Variants in BCL7B observed in about 807,000 individuals in gnomAD.
The protein encoded by BCL7B is B-cell CLL/lymphoma 7 protein family member B.
Under a neutral mutation model 26.5 loss-of-function variants are expected in BCL7B, and 11 were observed. The ratio of observed to expected loss-of-function variants is 0.42; its 90% confidence interval spans 0.26 to 0.69. BCL7B has a LOEUF of 0.69. Ranked by LOEUF, BCL7B falls within the 30% of genes least tolerant of loss-of-function variation. The pLI, the probability that BCL7B is intolerant of heterozygous loss-of-function variation, is 0.28. For missense variants in BCL7B, 215 were observed against 264.4 expected, an observed-to-expected ratio of 0.81 and a Z score of 1.30; for synonymous variants, 111 against 107.9, an observed-to-expected ratio of 1.03 and a Z score of -0.18.
intron 2 of BCL7B, among the ~76,000 whole-genome samples, chr7:73,547,817 G>GT (rs2115788225): frequency 6.6e-6 from 1 of 152,184 alleles, no homozygotes; most frequent in East Asian, 1.9e-4. Flanking sequence ...GGAGAAAACA[G>GT]TAAGAAGTCG....
At chr7:73,544,820 A>C (rs1254471954) in intron 2 of BCL7B, among the ~76,000 whole-genome samples, 3 of 152,132 alleles carry the variant, frequency 2.0e-5, no homozygotes, top group Non-Finnish European at 4.4e-5. Context: ...GCACTTGAGG[A>C]GGCGGAGGTG....
rs1000115740 is a variant in BCL7B at position 73,537,091 on chromosome 7, C to T, written c.*207G>A. ...GGGGTGCAAAAAAGACATGAGCGCT[C>T]CTCTTCTCGGGAGCAAGTAGACACA... On this transcript the variant is annotated 3_prime_UTR_variant, in exon 6 of 6. Coordinates refer to ENST00000223368, the MANE Select transcript of BCL7B (RefSeq NM_001707.4). 8.4e-6 allele frequency: 4 copies of T among 478,152 alleles called. No homozygotes were observed. The highest frequency in any genetic ancestry group is 1.5e-5 in the Non-Finnish European group (4 of 265,674). The allele number at this position is 478,152 out of a possible 1,614,324, so 29.6% of individuals were successfully genotyped here. A position where few individuals can be genotyped will look rare whatever the true frequency, so the allele number is the denominator to read the frequency against.
At position 73,539,935 on chromosome 7, in the gene BCL7B, T is replaced by C; in HGVS notation, c.383A>G (p.Asp128Gly). The C allele has an allele frequency of 6.2e-7, 1 of 1,614,004 alleles. No individual in the cohort carries two copies. Among genetic ancestry groups the C allele is most frequent in the South Asian group, 1.1e-5 (1 of 91,066 alleles). Residue 128 changes from aspartate (D) to glycine (G), a missense_variant, in exon 4 of 6, where the codon GAC becomes GGC. Transcript: ENST00000223368. ...GGGCTGGGAGTCATCCGTGCGGAAG[T>C]CGGAGGTGTGTGCTGGGCTCAGGGA... ...SESLSPAHTS[D>G]FRTDDSQPPT...
intron 1 of BCL7B, among the ~76,000 whole-genome samples, chr7:73,556,158 A>G (rs1792353179): frequency 6.6e-6 from 1 of 152,348 alleles, no homozygotes; most frequent in African/African-American, 2.4e-5. Flanking sequence ...TGTTAAACTA[A>G]TATTTATACT....
At chr7:73,541,309 T>TCATC (rs1442429071) in intron 3 of BCL7B, among the ~76,000 whole-genome samples, 1 of 152,072 alleles carries the variant, frequency 6.6e-6, no homozygotes, top group Admixed American at 6.6e-5. Context: ...TCAAGCCTCA[T>TCATC]CATCTCCAGC....
At chr7:73,556,948 C>A (rs916907427) in intron 1 of BCL7B, 2 of 989,816 alleles carry the variant, frequency 2.0e-6, no homozygotes, top group East Asian at 2.2e-4. Context: ...AAGCTCGCGG[C>A]GCAGGGGCCG....
intron 1 of BCL7B, among the ~76,000 whole-genome samples, chr7:73,553,845 ACT>A (rs1302072533): frequency 3.3e-5 from 5 of 151,828 alleles, no homozygotes; most frequent in Non-Finnish European, 5.9e-5. Flanking sequence ...GCACAAGGTC[ACT>A]CTCTAAATGA....
chr7:73,553,606 G>A (rs1291160721), intron 1 of BCL7B: 2 of 152,966 alleles, frequency 1.3e-5, no homozygotes, highest in Non-Finnish European at 1.5e-5. Context: ...CTGAGAGGCA[G>A]AGGTTGCAGT....
At chr7:73,556,618 G>A (rs1470551646) in intron 1 of BCL7B, among the ~76,000 whole-genome samples, 3 of 152,002 alleles carry the variant, frequency 2.0e-5, no homozygotes, top group South Asian at 2.1e-4. Flanking sequence ...GGGCTCAATC[G>A]GCATCTTCCA....
At position 73,538,815 on chromosome 7, in the gene BCL7B, T is replaced by TAA. The variant is rs1159395373; in HGVS notation, c.437-804_437-803dup. On this transcript the variant is annotated intron_variant, in intron 4 of 5. Transcript: ENST00000223368. ...GCAACAGAGCAAGACCCTATCTCTT[T>TAA]AAAAAAAAAAAAAAAAAAAAAAAGA... is the stretch of plus-strand genomic sequence containing the variant. Among the ~76,000 whole-genome samples, 551 of 94,474 alleles carry TAA rather than the reference T, an allele frequency of 5.8e-3. 6 individuals carry two copies. The highest frequency in any genetic ancestry group is 0.016 in the African/African-American group (415 of 26,042). 62.0% of individuals were successfully genotyped at this position (94,474 alleles called of 152,430 possible).
In BCL7B at chr7:73,551,822, G is replaced by A. The variant is rs1792182472; in HGVS notation, c.168+345C>T. Among the ~76,000 whole-genome samples the A allele has an allele frequency of 2.0e-5, 3 of 152,192 alleles. No individual in the cohort carries two copies. The South Asian group carries it at 6.2e-4, about 32-fold the overall frequency. ...TAATTAAAAGGCAATTAGGCCGGGT[G>A]CAGTGGCTCACGCCTGTAATCCCAG... On this transcript the variant is annotated intron_variant, in intron 2 of 5. Coordinates refer to ENST00000223368, the MANE Select transcript of BCL7B (RefSeq NM_001707.4).
rs1229772330 is a variant in BCL7B at position 73,537,010 on chromosome 7, A to T, written c.*288T>A. ...TCCGTCCAGAGATTCTGGAGCAGAGACTGCTGCCTGGAGGTCACAGATGAA... is the reference window on the plus strand; with the variant it reads ...TCCGTCCAGAGATTCTGGAGCAGAGTCTGCTGCCTGGAGGTCACAGATGAA... On this transcript the variant is annotated 3_prime_UTR_variant, in exon 6 of 6. Coordinates refer to ENST00000223368, the MANE Select transcript of BCL7B (RefSeq NM_001707.4). 3.0e-6 allele frequency: 1 copy of T among 328,002 alleles called. No individual in the cohort carries two copies. Among genetic ancestry groups the T allele is most frequent in the Non-Finnish European group, 5.7e-6 (1 of 174,634 alleles). The allele number at this position is 328,002 out of a possible 1,614,324, so 20.3% of individuals were successfully genotyped here. A position where few individuals can be genotyped will look rare whatever the true frequency, so the allele number is the denominator to read the frequency against.
chr7:73,538,937 G>A (rs1451727111), intron 4 of BCL7B, among the ~76,000 whole-genome samples: 1 of 151,768 alleles, frequency 6.6e-6, no homozygotes, highest in Admixed American at 6.6e-5. Flanking sequence ...GACTGGCTAT[G>A]TGATCTCAGA....
chr7:73,543,694 CAG>C (rs781945309), intron 2 of BCL7B, 50 bp from the exon 3 acceptor site: 2 of 1,474,234 alleles, frequency 1.4e-6, no homozygotes, highest in Non-Finnish European at 1.9e-6. Context: ...AGGAGACTCA[CAG>C]AGAGGGAGGA....
At chr7:73,553,324 T>C (rs1167122039) in intron 1 of BCL7B, among the ~76,000 whole-genome samples, 1 of 151,948 alleles carries the variant, frequency 6.6e-6, no homozygotes, top group Non-Finnish European at 1.5e-5. Context: ...TATGGCCTGG[T>C]GGGTGTGAAA....
chr7:73,537,934 C>T lies in BCL7B; in HGVS notation c.516G>A (p.Gln172=), dbSNP rs1167861410. ...TKEEPVPLET[Q]VVEEEEDSGA... ...TGGAAAACTCAAAGTGATTGCTTAC[C>T]TGTGTCTCTAGTGGAACTGGTTCTT... Residue 172 remains glutamine (Q), a splice_region_variant and synonymous_variant, in exon 5 of 6, where the codon CAG becomes CAA. Transcript: ENST00000223368. The T allele has an allele frequency of 3.2e-6, 5 of 1,584,638 alleles. No individual in the cohort carries two copies. The highest frequency in any genetic ancestry group is 4.3e-6 in the Non-Finnish European group (5 of 1,167,744).
chr7:73,543,678 C>G (rs370718915), intron 2 of BCL7B, 34 bp from the exon 3 acceptor site: 5 of 1,563,354 alleles, frequency 3.2e-6, no homozygotes, highest in Non-Finnish European at 4.4e-6. Flanking sequence ...TATGACAGAG[C>G]CAAGCAGGAG....
chr7:73,551,564 A>G (rs782708490), intron 2 of BCL7B, among the ~76,000 whole-genome samples: 1 of 151,886 alleles, frequency 6.6e-6, no homozygotes, highest in Non-Finnish European at 1.5e-5. Flanking sequence ...TTGGCCTCCC[A>G]AAGTGCTGGG....
rs1791552508 is a variant in BCL7B at position 73,536,938 on chromosome 7, G to C, written c.*360C>G. 1 of 214,204 alleles carries C rather than the reference G, an allele frequency of 4.7e-6. No homozygotes were observed. The highest frequency in any genetic ancestry group is 9.6e-6 in the Non-Finnish European group (1 of 104,122). 13.3% of individuals were successfully genotyped at this position (214,204 alleles called of 1,614,324 possible). On this transcript the variant is annotated 3_prime_UTR_variant, in exon 6 of 6. Coordinates refer to ENST00000223368, the MANE Select transcript of BCL7B (RefSeq NM_001707.4). ...GTAACCTGAGGCACGCTCTCTTCTA[G>C]AAGGTGCCTTCCACATCTCTCTCTT...
Sources: allele counts gnomAD v4.1 joint callset (sites outside exome capture counted in the v4.1 genomes callset), GRCh38; gene constraint gnomAD v4.1.1; transcripts MANE v1.5; gene names NCBI Gene and HGNC (gene_info 2026-07-23, HGNC 2026-07-21).